Variants in MRTFB observed in about 807,000 individuals in gnomAD.
MRTFB encodes myocardin-related transcription factor B.
A neutral mutation model predicts 104.2 loss-of-function variants in MRTFB; 29 were observed. That is an observed-to-expected ratio of 0.28 (90% confidence interval 0.21 to 0.38). The LOEUF (loss-of-function observed/expected upper bound fraction) is 0.38. MRTFB is among the 10% of genes least tolerant of loss of function. The pLI is 1.00. For missense variants in MRTFB, 1,270 were observed against 1,341.6 expected (o/e 0.95, Z 0.83); for synonymous variants, 535 against 519.5 (o/e 1.03, Z -0.41).
At chr16:14,032,535 C>T in the MRTFB span, among the ~76,000 whole-genome samples, 2 of 152,064 alleles carry the variant, frequency 1.3e-5, no homozygotes, top group African/African-American at 2.4e-5. Context: ...TTGCTGCAAG[C>T]GTCAAGTAAA....
At chr16:14,135,800 A>G (rs772677258) in intron 2 of MRTFB, among the ~76,000 whole-genome samples, 1 of 152,112 alleles carries the variant, frequency 6.6e-6, no homozygotes, top group African/African-American at 2.4e-5. Flanking sequence ...CTTATCTTCT[A>G]CCACTCTGTG....
chr16:14,200,444 A>T (rs2040639801), intron 3 of MRTFB: 1 of 1,610,000 alleles, frequency 6.2e-7, no homozygotes, highest in East Asian at 2.2e-5. Context: ...AAGAAAAGTC[A>T]AAATCAGACA....
intron 3 of MRTFB, chr16:14,150,993 T>C (rs979309900): frequency 1.3e-5 from 2 of 152,218 alleles, no homozygotes; most frequent in African/African-American, 4.8e-5. Flanking sequence ...TTTTTACTTC[T>C]ATGTGCAATT....
intron 8 of MRTFB, among the ~76,000 whole-genome samples, chr16:14,231,075 T>C (rs1004220805): frequency 1.2e-3 from 174 of 149,958 alleles, no homozygotes; most frequent in African/African-American, 3.3e-3. Context: ...TAGGTGGGAA[T>C]TGAACAATGA....
chr16:14,006,035 G>C, the MRTFB span, among the ~76,000 whole-genome samples: 1 of 151,322 alleles, frequency 6.6e-6, no homozygotes, highest in Non-Finnish European at 1.5e-5. Context: ...TGGTGAAACC[G>C]CATCTCTGCT....
At position 14,266,560 on chromosome 16, in the gene MRTFB, G is replaced by A. The variant is rs1171042393; in HGVS notation, c.*5116G>A. ...AAACCATGATGCCTTTGTATTTGCT[G>A]TTTGCACCCCTGAAATCAATTCCAT... On this transcript the variant is annotated 3_prime_UTR_variant, in exon 17 of 17. Coordinates refer to ENST00000571589, the MANE Select transcript of MRTFB (RefSeq NM_001308142.2). The A allele has an allele frequency of 6.6e-6, 1 of 152,128 alleles. No individual in the cohort carries two copies. Among genetic ancestry groups the A allele is most frequent in the Non-Finnish European group, 1.5e-5 (1 of 68,020 alleles). The allele number at this position is 152,128 out of a possible 1,614,324, so 9.4% of individuals were successfully genotyped here.
chr16:14,161,292 C>G (rs1299266684), intron 3 of MRTFB, among the ~76,000 whole-genome samples: 1 of 151,872 alleles, frequency 6.6e-6, no homozygotes, highest in Admixed American at 6.6e-5. Context: ...GATAGTCTGA[C>G]CAATGGAGCA....
At chr16:14,127,642 CAAA>C (rs770740356) in intron 2 of MRTFB, among the ~76,000 whole-genome samples, 2 of 76,206 alleles carry the variant, frequency 2.6e-5, no homozygotes. Flanking sequence ...GACTCTGTCT[CAAA>C]AAAAAAAAAA....
intron 10 of MRTFB, chr16:14,241,421 C>T (rs1018422545): frequency 6.6e-6 from 1 of 152,194 alleles, no homozygotes; most frequent in Non-Finnish European, 1.5e-5. Flanking sequence ...AAGAAAATTT[C>T]TGGATATACA....
chr16:14,080,618 G>T (rs1052885174), intron 2 of MRTFB, among the ~76,000 whole-genome samples: 2 of 152,062 alleles, frequency 1.3e-5, no homozygotes, highest in African/African-American at 4.8e-5. Flanking sequence ...CTGGAATTTT[G>T]TATTCTTTGA....
the MRTFB span, among the ~76,000 whole-genome samples, chr16:14,004,115 C>T: frequency 1.3e-5 from 2 of 152,124 alleles, no homozygotes; most frequent in African/African-American, 4.8e-5. Context: ...GCCATGAGCC[C>T]CAGGAGCTCC....
At chr16:14,107,975 C>A (rs776498531) in intron 2 of MRTFB, among the ~76,000 whole-genome samples, 1 of 152,176 alleles carries the variant, frequency 6.6e-6, no homozygotes, top group Non-Finnish European at 1.5e-5. Flanking sequence ...TATTGGCCAC[C>A]CCTGCCTTCT....
At chr16:14,235,591 A>G (rs543732717) in intron 9 of MRTFB, among the ~76,000 whole-genome samples, 1 of 152,302 alleles carries the variant, frequency 6.6e-6, no homozygotes, top group African/African-American at 2.4e-5. Context: ...TAATTCTAGG[A>G]CTATGCCAAG....
At chr16:14,218,762 T>G in intron 7 of MRTFB, 58 bp from the exon 8 acceptor site, 1 of 1,494,310 alleles carries the variant, frequency 6.7e-7, no homozygotes, top group Non-Finnish European at 9.0e-7. Context: ...CTCCTTCACA[T>G]TAAGCTTGGT....
At position 14,261,540 on chromosome 16, in the gene MRTFB, CAATCAA is replaced by C; in HGVS notation, c.*100_*105del. The C allele has an allele frequency of 8.0e-7, 1 of 1,248,508 alleles. No individual in the cohort carries two copies. The highest frequency in any genetic ancestry group is 2.4e-5 in the East Asian group (1 of 42,442). The allele number at this position is 1,248,508 out of a possible 1,614,324, so 77.3% of individuals were successfully genotyped here. A position where few individuals can be genotyped will look rare whatever the true frequency, so the allele number is the denominator to read the frequency against. Reference sequence around the variant, plus strand: ...AGATAGATCTATAGTTGCATTGTTGCAATCAAAATATGTTGTCACAGAAAGAATAGG... The same window carrying C: ...AGATAGATCTATAGTTGCATTGTTGCAATATGTTGTCACAGAAAGAATAGG... On this transcript the variant is annotated 3_prime_UTR_variant, in exon 17 of 17. Transcript: ENST00000571589.
rs141661091 is a variant in MRTFB at position 14,243,595 on chromosome 16, GT to G, written c.1080-1930del. On this transcript the variant is annotated intron_variant, in intron 10 of 16. Transcript: ENST00000571589. ...TGGGGATCTCGTTTTAATACTGAAAGTTTAGGGAAATTAGTACAAAGCACCT... is the reference window on the plus strand; with the variant it reads ...TGGGGATCTCGTTTTAATACTGAAAGTTAGGGAAATTAGTACAAAGCACCT... 6.4e-3 allele frequency among the ~76,000 whole-genome samples: 966 copies of G among 151,890 alleles called. 12 individuals are homozygous for G. Among genetic ancestry groups the G allele is most frequent in the Middle Eastern group, 6.8e-3 (2 of 294 alleles).
At chr16:14,164,728 T>G (rs2039169140) in intron 3 of MRTFB, among the ~76,000 whole-genome samples, 1 of 152,166 alleles carries the variant, frequency 6.6e-6, no homozygotes, top group South Asian at 2.1e-4. Context: ...TCTTTTATGT[T>G]TTACAAATAA....
At chr16:14,108,842 C>T (rs1197349729) in intron 2 of MRTFB, among the ~76,000 whole-genome samples, 1 of 152,128 alleles carries the variant, frequency 6.6e-6, no homozygotes, top group East Asian at 1.9e-4. Flanking sequence ...GAAAACCTTT[C>T]CCCCATCGTC....
At chr16:14,068,559 G>A (rs536433059), upstream of MRTFB, among the ~76,000 whole-genome samples, 13 of 152,224 alleles carry the variant, frequency 8.5e-5, no homozygotes, top group Admixed American at 4.6e-4. Flanking sequence ...GTGTTGTTGC[G>A]TGTTGTTGTG....
Sources: allele counts gnomAD v4.1 joint callset (sites outside exome capture counted in the v4.1 genomes callset), GRCh38; gene constraint gnomAD v4.1.1; transcripts MANE v1.5; gene names NCBI Gene and HGNC (gene_info 2026-07-23, HGNC 2026-07-21).